TSC22D1: variants seen among roughly 807,000 people sequenced by gnomAD.
The protein encoded by TSC22D1 is TSC22 domain family member 1, also known as TSC22 domain family protein 1.
A neutral mutation model predicts 74.2 loss-of-function variants in TSC22D1; 9 were observed. That is an observed-to-expected ratio of 0.12 (90% CI 0.07 to 0.21). The LOEUF (loss-of-function observed/expected upper bound fraction) is 0.21. Ranked by LOEUF, TSC22D1 falls within the 10% of genes least tolerant of loss-of-function variation. The pLI is 1.00. For synonymous variants in TSC22D1, 586 were observed against 492.5 expected (o/e 1.19, Z -2.51); for missense variants, 1,427 against 1,304.7 (o/e 1.09, Z -1.44).
At chr13:44,536,810 G>T in intron 1 of TSC22D1, 1 of 983,050 alleles carries the variant, frequency 1.0e-6, no homozygotes, top group Non-Finnish European at 1.2e-6. Context: ...AACTAATCAG[G>T]AAAGATGATG....
At chr13:44,530,655 T>C (rs1880783699) in intron 1 of TSC22D1, among the ~76,000 whole-genome samples, 1 of 147,408 alleles carries the variant, frequency 6.8e-6, no homozygotes, top group African/African-American at 2.6e-5. Flanking sequence ...TCAAGAACTC[T>C]TAAAACTCAA....
At chr13:44,449,936 C>G (rs1875985709) in intron 1 of TSC22D1, among the ~76,000 whole-genome samples, 1 of 152,116 alleles carries the variant, frequency 6.6e-6, no homozygotes, top group South Asian at 2.1e-4. Context: ...TTAGGCTTGG[C>G]ACCACAGTTA....
At chr13:44,457,517 G>T (rs73188732) in intron 1 of TSC22D1, among the ~76,000 whole-genome samples, 19 of 151,330 alleles carry the variant, frequency 1.3e-4, no homozygotes, top group Admixed American at 2.0e-4. Flanking sequence ...CACAAACAAC[G>T]CATGGAAATA....
Position 44,434,494 on chromosome 13 carries a change from G to C in TSC22D1, c.*132C>G. 1 of 1,410,106 alleles carries C rather than the reference G, an allele frequency of 7.1e-7. No individual in the cohort carries two copies. The highest frequency in any genetic ancestry group is 9.2e-7 in the Non-Finnish European group (1 of 1,087,230). 87.3% of individuals were successfully genotyped at this position (1,410,106 alleles called of 1,614,324 possible). On this transcript the variant is annotated 3_prime_UTR_variant, in exon 3 of 3. Coordinates refer to ENST00000458659, the MANE Select transcript of TSC22D1 (RefSeq NM_183422.4). Reference sequence around the variant, plus strand: ...GTTTAATACTGGAAAAGAGATAATGGCATATGTCAGTCTCACGTCTCTTTC... The same window carrying C: ...GTTTAATACTGGAAAAGAGATAATGCCATATGTCAGTCTCACGTCTCTTTC...
At chr13:44,444,278 C>CAAAAAAAAAAAAAAAAAAAAAAA (rs71070905) in intron 1 of TSC22D1, among the ~76,000 whole-genome samples, 3 of 17,582 alleles carry the variant, frequency 1.7e-4, no homozygotes, top group Non-Finnish European at 2.9e-4. Context: ...GACTCTGTCT[C>CAAAAAAAAAAAAAAAAAAAAAAA]AAAAAAAAAA....
chr13:44,559,794 G>A (rs935089614), intron 1 of TSC22D1, among the ~76,000 whole-genome samples: 3 of 151,500 alleles, frequency 2.0e-5, no homozygotes, highest in East Asian at 3.9e-4. Flanking sequence ...AGGTCCAAAC[G>A]ATTCTCATAC....
At chr13:44,525,843 G>A (rs1294532281) in intron 1 of TSC22D1, among the ~76,000 whole-genome samples, 3 of 149,536 alleles carry the variant, frequency 2.0e-5, no homozygotes, top group African/African-American at 4.9e-5. Context: ...GTTCACACCT[G>A]TAATCCCAGC....
chr13:44,539,018 TAAG>T, intron 1 of TSC22D1: 1 of 985,388 alleles, frequency 1.0e-6, no homozygotes, highest in Non-Finnish European at 1.2e-6. Context: ...TTGTAGGTGA[TAAG>T]AACTTCCTGG....
rs773183866 is a variant in TSC22D1, at chr13:44,573,583, G to C, written c.2492C>G (p.Ser831Cys). The C allele has an allele frequency of 6.2e-7, 1 of 1,614,248 alleles. No individual in the cohort carries two copies. Among genetic ancestry groups the C allele is most frequent in the Admixed American group, 1.7e-5 (1 of 60,030 alleles). ...AGTTGAACTAACCTGACTTGTAACA[G>C]AAATACTACTAGCAGAGGGCAAAGA... ...VSSLPSASSI[S>C]VTSQVSSTGP... The change falls in exon 1 of 3, where the codon TCT (serine) becomes TGT (cysteine). Residue 831 changes from serine to cysteine, a missense_variant. Coordinates refer to ENST00000458659, the MANE Select transcript of TSC22D1 (RefSeq NM_183422.4).
In TSC22D1 at chr13:44,570,430, A is replaced by C. The variant is rs1373248590; in HGVS notation, c.2912+2733T>G. Among the ~76,000 whole-genome samples, 4 of 152,024 alleles carry C rather than the reference A, an allele frequency of 2.6e-5. No homozygotes were observed. In the East Asian group the frequency reaches 7.7e-4, roughly 29 times the overall value. ...TGGTCTCAAATTTCTGGGCTCAAGCAATCTGCCCACCTCAGCCTCCCAAAG... is the reference window on the plus strand; with the variant it reads ...TGGTCTCAAATTTCTGGGCTCAAGCCATCTGCCCACCTCAGCCTCCCAAAG... On this transcript the variant is annotated intron_variant, in intron 1 of 2. Coordinates refer to ENST00000458659, the MANE Select transcript of TSC22D1 (RefSeq NM_183422.4).
At chr13:44,541,492 T>C (rs574831529) in intron 1 of TSC22D1, among the ~76,000 whole-genome samples, 2 of 152,280 alleles carry the variant, frequency 1.3e-5, no homozygotes, top group South Asian at 4.1e-4. Flanking sequence ...AACTGCCATC[T>C]AACAAGAGGT....
Position 44,575,178 on chromosome 13 carries a change from T to C in TSC22D1, c.897A>G (p.Thr299=). The stretch of plus-strand genomic sequence containing the variant: ...TAACAGAATTTATACCTATTCCACC[T>C]GTAGTACTTGGAGCACGCATATTAG... The part of the protein sequence containing the change: ...VMTNMRAPST[T]GGIGINSVTG... The change falls in exon 1 of 3, where the codon ACA becomes ACG. Residue 299 remains threonine (T), a synonymous_variant. Coordinates refer to ENST00000458659, the MANE Select transcript of TSC22D1 (RefSeq NM_183422.4). 1 of 1,614,094 alleles carries C rather than the reference T, an allele frequency of 6.2e-7. No homozygotes were observed.
In TSC22D1 at chr13:44,574,154, C is replaced by A. The variant is rs1884006869; in HGVS notation, c.1921G>T (p.Ala641Ser). 6.2e-7 allele frequency: 1 copy of A among 1,614,072 alleles called. No homozygotes were observed. Among genetic ancestry groups the A allele is most frequent in the African/African-American group, 1.3e-5 (1 of 74,934 alleles). The change falls in exon 1 of 3, where the codon GCC becomes TCC. Residue 641 changes from alanine to serine, a missense_variant. Coordinates refer to ENST00000458659, the MANE Select transcript of TSC22D1 (RefSeq NM_183422.4). ...QQQPMVSTQM[A>S]PGHVKSVTQN... Reference sequence around the variant, plus strand: ...GTCACTGATTTGACATGGCCTGGGGCCATCTGTGTAGAAACCATTGGTTGC... The same window carrying A: ...GTCACTGATTTGACATGGCCTGGGGACATCTGTGTAGAAACCATTGGTTGC...
chr13:44,572,733 C>A (rs1883853346), intron 1 of TSC22D1, among the ~76,000 whole-genome samples: 1 of 152,100 alleles, frequency 6.6e-6, no homozygotes, highest in African/African-American at 2.4e-5. Context: ...TAAGATCAAA[C>A]ACAGTAGAAA....
chr13:44,472,495 T>C (rs1333504702), intron 1 of TSC22D1, among the ~76,000 whole-genome samples: 1 of 152,126 alleles, frequency 6.6e-6, no homozygotes, highest in Non-Finnish European at 1.5e-5. Flanking sequence ...AACAAACATA[T>C]GAGGACCTGC....
intron 1 of TSC22D1, among the ~76,000 whole-genome samples, chr13:44,500,942 T>A (rs796610718): frequency 2.6e-5 from 4 of 152,300 alleles, no homozygotes; most frequent in African/African-American, 9.6e-5. Flanking sequence ...TGCCTTCGCC[T>A]CCCAAAGTGC....
intron 1 of TSC22D1, among the ~76,000 whole-genome samples, chr13:44,442,675 G>A (rs1875294486): frequency 6.6e-6 from 1 of 152,066 alleles, no homozygotes; most frequent in African/African-American, 2.4e-5. Flanking sequence ...CCAGCACTTT[G>A]GGAGGCCGAG....
chr13:44,467,178 CA>C (rs199947852), intron 1 of TSC22D1, among the ~76,000 whole-genome samples: 11,944 of 149,840 alleles, frequency 0.08, 585 homozygotes, highest in Non-Finnish European at 0.11. Flanking sequence ...AACAAAAAAA[CA>C]AAAAAAAATA....
chr13:44,476,350 G>A (rs1366758325), intron 1 of TSC22D1, among the ~76,000 whole-genome samples: 1 of 151,972 alleles, frequency 6.6e-6, no homozygotes, highest in Non-Finnish European at 1.5e-5. Context: ...CATTAATACT[G>A]TATCAGTCAA....
Sources: gnomAD v4.1 joint callset for allele counts (sites outside exome capture counted in the v4.1 genomes callset) on GRCh38, gnomAD v4.1.1 for gene constraint, MANE v1.5 for transcripts, NCBI Gene and HGNC (gene_info 2026-07-23, HGNC 2026-07-21) for gene names.